TRAF3: variants seen among roughly 807,000 people sequenced by gnomAD.
TRAF3 encodes the protein TNF receptor-associated factor 3.
A neutral mutation model predicts 62.3 loss-of-function variants in TRAF3; 13 were observed. That is an observed-to-expected ratio of 0.21 (90% CI 0.14 to 0.33). The LOEUF is 0.33. TRAF3 is among the 10% of genes least tolerant of loss of function. The pLI is 1.00. For missense variants in TRAF3, 440 were observed against 741.8 expected (o/e 0.59, Z 4.73); for synonymous variants, 269 against 283.4 (o/e 0.95, Z 0.51).
At chr14:102,794,040 C>G (rs1010441817) in intron 1 of TRAF3, among the ~76,000 whole-genome samples, 2 of 152,168 alleles carry the variant, frequency 1.3e-5, no homozygotes, top group African/African-American at 4.8e-5. Flanking sequence ...AGGGGATCCT[C>G]CCTCTCCTTG....
intron 1 of TRAF3, among the ~76,000 whole-genome samples, chr14:102,812,249 T>A (rs1042732785): frequency 7.9e-5 from 12 of 152,098 alleles, no homozygotes; most frequent in Non-Finnish European, 1.8e-4. Flanking sequence ...AGTGAGAACA[T>A]GTGGTGTTTA....
intron 1 of TRAF3, among the ~76,000 whole-genome samples, chr14:102,823,198 A>G (rs1900089436): frequency 6.6e-6 from 1 of 152,162 alleles, no homozygotes; most frequent in East Asian, 1.9e-4. Flanking sequence ...TCTTTCCACC[A>G]TCATTTAGTT....
chr14:102,844,260 A>G (rs1357836026), intron 2 of TRAF3, among the ~76,000 whole-genome samples: 2 of 152,218 alleles, frequency 1.3e-5, no homozygotes, highest in Non-Finnish European at 2.9e-5. Context: ...ATTTTGAGAA[A>G]TTCAACCTTA....
At chr14:102,885,985 C>CTGGT (rs1028608015) in intron 6 of TRAF3, among the ~76,000 whole-genome samples, 9 of 152,194 alleles carry the variant, frequency 5.9e-5, no homozygotes, top group African/African-American at 2.2e-4. Flanking sequence ...TCAGATCTGA[C>CTGGT]CAGATCTTTG....
chr14:102,911,120 G>C lies in TRAF3; in HGVS notation c.*5336G>C, dbSNP rs1035767277. The C allele has an allele frequency of 2.0e-5, 3 of 152,202 alleles. No individual in the cohort carries two copies. Among genetic ancestry groups the C allele is most frequent in the African/African-American group, 7.2e-5 (3 of 41,450 alleles). The allele number at this position is 152,202 out of a possible 1,614,324, so 9.4% of individuals were successfully genotyped here. On this transcript the variant is annotated 3_prime_UTR_variant, in exon 12 of 12. Coordinates refer to ENST00000392745, the MANE Select transcript of TRAF3 (RefSeq NM_145725.3). ...TTGACCCTGTCTTTTTAATCTGCCTGTTTTAAAAGTTGCGTCTGTAGTAGC... is the reference window on the plus strand; with the variant it reads ...TTGACCCTGTCTTTTTAATCTGCCTCTTTTAAAAGTTGCGTCTGTAGTAGC...
intron 1 of TRAF3, among the ~76,000 whole-genome samples, chr14:102,829,198 A>G (rs924089849): frequency 6.6e-6 from 1 of 152,168 alleles, no homozygotes; most frequent in Non-Finnish European, 1.5e-5. Context: ...CAAGAAATAT[A>G]ATGTTGGGGT....
At chr14:102,864,769 T>C (rs893513665) in intron 2 of TRAF3, among the ~76,000 whole-genome samples, 1 of 152,186 alleles carries the variant, frequency 6.6e-6, no homozygotes, top group African/African-American at 2.4e-5. Flanking sequence ...AATGTTTCCT[T>C]GGCAGCCTTG....
At chr14:102,896,950 G>A (rs1200513540) in intron 9 of TRAF3, among the ~76,000 whole-genome samples, 1 of 152,182 alleles carries the variant, frequency 6.6e-6, no homozygotes, top group East Asian at 1.9e-4. Flanking sequence ...GCATGTACCT[G>A]TAGGCCTAGC....
intron 1 of TRAF3, among the ~76,000 whole-genome samples, chr14:102,822,075 A>G (rs554342688): frequency 6.7e-4 from 102 of 152,296 alleles, no homozygotes; most frequent in African/African-American, 2.4e-3. Context: ...TAAAAGACTG[A>G]GGGTTTTTTA....
intron 1 of TRAF3, among the ~76,000 whole-genome samples, chr14:102,794,121 C>CT (rs1378937418): frequency 6.6e-6 from 1 of 152,102 alleles, no homozygotes; most frequent in Non-Finnish European, 1.5e-5. Context: ...ACTCAGAACT[C>CT]TTAGAGTGAG....
chr14:102,847,113 GTAGT>G (rs1339626854), intron 2 of TRAF3, among the ~76,000 whole-genome samples: 4 of 152,226 alleles, frequency 2.6e-5, no homozygotes, highest in Admixed American at 6.5e-5. Flanking sequence ...TGCATATACA[GTAGT>G]TAATCATGTT....
chr14:102,836,271 C>T (rs1426342235), intron 2 of TRAF3, among the ~76,000 whole-genome samples: 1 of 152,218 alleles, frequency 6.6e-6, no homozygotes, highest in African/African-American at 2.4e-5. Context: ...AGTCATTTAG[C>T]AGCACTGCCA....
At chr14:102,845,975 T>G (rs1595357588) in intron 2 of TRAF3, among the ~76,000 whole-genome samples, 1 of 77,074 alleles carries the variant, frequency 1.3e-5, no homozygotes, top group Non-Finnish European at 2.2e-5. Flanking sequence ...AGGTCGACCG[T>G]GTCTCAAAAA....
chr14:102,891,028 A>C (rs545309935), intron 8 of TRAF3, among the ~76,000 whole-genome samples: 23 of 152,334 alleles, frequency 1.5e-4, no homozygotes, highest in Admixed American at 9.8e-4. Context: ...TACAAGTGTC[A>C]ACCCTTGATA....
At chr14:102,881,395 C>CAAAAAA (rs57546209) in intron 6 of TRAF3, among the ~76,000 whole-genome samples, 32 of 117,350 alleles carry the variant, frequency 2.7e-4, no homozygotes, top group Non-Finnish European at 4.3e-4. Flanking sequence ...ACAACAAAAA[C>CAAAAAA]AAAAAAAAAA....
At chr14:102,801,347 T>C (rs893193241) in intron 1 of TRAF3, among the ~76,000 whole-genome samples, 3 of 152,100 alleles carry the variant, frequency 2.0e-5, no homozygotes, top group Admixed American at 6.6e-5. Flanking sequence ...ATATAAAATA[T>C]GCGTACAATA....
chr14:102,878,789 G>A (rs1034050269), intron 6 of TRAF3, among the ~76,000 whole-genome samples: 1 of 152,180 alleles, frequency 6.6e-6, no homozygotes, highest in Non-Finnish European at 1.5e-5. Context: ...GGTCAGATGT[G>A]AGGGCAGTGG....
chr14:102,891,511 G>A (rs2139945075), intron 9 of TRAF3, 94 bp downstream of exon 9: 15 of 1,327,364 alleles, frequency 1.1e-5, no homozygotes, highest in Non-Finnish European at 1.6e-5. Context: ...ATGGGTTTTG[G>A]ATAAAAGAAA....
chr14:102,873,509 A>G (rs78942044), intron 4 of TRAF3, among the ~76,000 whole-genome samples: 5,238 of 152,276 alleles, frequency 0.034, 99 homozygotes, highest in Admixed American at 0.06. Context: ...TTTTTTAATG[A>G]CATAAGTAGC....
Sources: allele counts gnomAD v4.1 joint callset (sites outside exome capture counted in the v4.1 genomes callset), GRCh38; gene constraint gnomAD v4.1.1; transcripts MANE v1.5; gene names NCBI Gene and HGNC (gene_info 2026-07-23, HGNC 2026-07-21).